The following EYA4 variants were observed in gnomAD, a reference collection of about 807,000 sequenced individuals.
EYA4 encodes protein phosphatase EYA4.
A neutral mutation model predicts 87.9 loss-of-function variants in EYA4; 31 were observed. The ratio of observed to expected loss-of-function variants is 0.35; its 90% CI spans 0.27 to 0.48. The LOEUF is 0.48. Among genes scored for constraint, EYA4 ranks in the 20% least tolerant of loss-of-function variants. EYA4 has a pLI of 0.99. For synonymous variants in EYA4, 263 were observed against 270.6 expected (o/e 0.97, Z 0.28); for missense variants, 678 against 761.4 (o/e 0.89, Z 1.29).
chr6:133,372,632 T>G (rs1785357824), intron 2 of EYA4, among the ~76,000 whole-genome samples: 1 of 151,824 alleles, frequency 6.6e-6, no homozygotes, highest in Non-Finnish European at 1.5e-5. Flanking sequence ...GCCAACATTC[T>G]TGAATTTTCT....
intron 2 of EYA4, among the ~76,000 whole-genome samples, chr6:133,317,127 G>C (rs1175149296): frequency 6.6e-6 from 1 of 152,212 alleles, no homozygotes; most frequent in Non-Finnish European, 1.5e-5. Context: ...GCTCAAAACT[G>C]TACAGCTCCA....
chr6:133,483,029 C>T lies in EYA4; in HGVS notation c.1108-3C>T. ...TTTTCTGATATTTATTTTTTGTCTTCAGCGTGTGTTTGTCTGGGATTTGGA... is the reference window on the plus strand; with the variant it reads ...TTTTCTGATATTTATTTTTTGTCTTTAGCGTGTGTTTGTCTGGGATTTGGA... On this transcript the variant is annotated splice_polypyrimidine_tract_variant and splice_region_variant and intron_variant, in intron 12 of 19. Transcript: ENST00000355286. 1 of 1,611,360 alleles carries T rather than the reference C, an allele frequency of 6.2e-7. No homozygotes were observed. The highest frequency in any genetic ancestry group is 1.1e-5 in the South Asian group (1 of 90,958).
At chr6:133,263,348 G>T (rs113415426) in intron 1 of EYA4, among the ~76,000 whole-genome samples, 1 of 152,228 alleles carries the variant, frequency 6.6e-6, no homozygotes, top group East Asian at 1.9e-4. Context: ...GGAGTCACAA[G>T]ATCTGGGTGC....
intron 14 of EYA4, among the ~76,000 whole-genome samples, chr6:133,509,210 T>C (rs1798916834): frequency 6.6e-6 from 1 of 152,128 alleles, no homozygotes; most frequent in Non-Finnish European, 1.5e-5. Context: ...TGAAAGGCAG[T>C]TTTACTTTCA....
chr6:133,367,070 AGCTTTGGAGATGAAGGGT>A, intron 2 of EYA4, among the ~76,000 whole-genome samples: 1 of 152,362 alleles, frequency 6.6e-6, no homozygotes, highest in South Asian at 2.1e-4. Context: ...GGTATTTCAC[AGCTTTGGAGATGAAGGGT>A]GCTTGATAGA....
At chr6:133,387,646 A>G (rs984240399) in intron 3 of EYA4, among the ~76,000 whole-genome samples, 17 of 152,200 alleles carry the variant, frequency 1.1e-4, no homozygotes, top group Non-Finnish European at 2.9e-5. Context: ...TTTAATTATT[A>G]AAAAACACCT....
At chr6:133,358,006 A>G (rs894867266) in intron 2 of EYA4, among the ~76,000 whole-genome samples, 4 of 152,140 alleles carry the variant, frequency 2.6e-5, no homozygotes, top group Non-Finnish European at 5.9e-5. Context: ...AAGTCTTGCT[A>G]CGGTATAATA....
rs1197587794 is a variant in EYA4, at chr6:133,529,664, T to A, written c.*859T>A. 1.0e-6 allele frequency: 1 copy of A among 983,838 alleles called. No individual in the cohort carries two copies. The highest frequency in any genetic ancestry group is 1.1e-4 in the East Asian group (1 of 8,810). 60.9% of individuals were successfully genotyped at this position (983,838 alleles called of 1,614,324 possible). A position where few individuals can be genotyped will look rare whatever the true frequency, so the allele number is the denominator to read the frequency against. The stretch of plus-strand genomic sequence containing the variant: ...AAAACAACAATAATAAAGGAAAGCT[T>A]GTGTTTCATTTGGGTTCTTAATAAT... On this transcript the variant is annotated 3_prime_UTR_variant, in exon 20 of 20. Coordinates refer to ENST00000355286, the MANE Select transcript of EYA4 (RefSeq NM_004100.5).
At chr6:133,447,179 C>CT (rs895201202) in intron 4 of EYA4, among the ~76,000 whole-genome samples, 1 of 151,768 alleles carries the variant, frequency 6.6e-6, no homozygotes, top group Admixed American at 6.6e-5. Flanking sequence ...CTTAAAAGTG[C>CT]TTTTTTAAAA....
chr6:133,473,473 T>C (rs1359092217), intron 11 of EYA4, among the ~76,000 whole-genome samples: 1 of 151,970 alleles, frequency 6.6e-6, no homozygotes, highest in Non-Finnish European at 1.5e-5. Context: ...AAAGTAAAAA[T>C]GAAACTGATA....
intron 19 of EYA4, chr6:133,525,872 A>C: frequency 1.0e-6 from 1 of 984,498 alleles, no homozygotes; most frequent in East Asian, 1.1e-4. Context: ...TATTGCTCAG[A>C]TCCTTTTGCA....
intron 13 of EYA4, among the ~76,000 whole-genome samples, chr6:133,498,825 G>A (rs1797858447): frequency 1.3e-5 from 2 of 152,162 alleles, no homozygotes; most frequent in South Asian, 2.1e-4. Context: ...GGGAATCATT[G>A]CTACCTATTG....
chr6:133,325,625 G>T (rs931316273), intron 2 of EYA4, among the ~76,000 whole-genome samples: 1 of 152,084 alleles, frequency 6.6e-6, no homozygotes, highest in Non-Finnish European at 1.5e-5. Flanking sequence ...CAAACCTTAT[G>T]GTTCTAAATT....
At chr6:133,385,413 G>T (rs867033579) in intron 3 of EYA4, among the ~76,000 whole-genome samples, 1 of 144,334 alleles carries the variant, frequency 6.9e-6, no homozygotes, top group African/African-American at 2.7e-5. Flanking sequence ...GTGTGTGTGT[G>T]TGTGTGTGTG....
chr6:133,338,350 G>T (rs1782532828), intron 2 of EYA4, among the ~76,000 whole-genome samples: 1 of 151,942 alleles, frequency 6.6e-6, no homozygotes, highest in South Asian at 2.1e-4. Context: ...AAATCTGTTT[G>T]TGCCTTACAT....
intron 14 of EYA4, among the ~76,000 whole-genome samples, chr6:133,512,070 C>T (rs1266564810): frequency 2.0e-5 from 3 of 151,694 alleles, no homozygotes; most frequent in Non-Finnish European, 2.9e-5. Context: ...GATGATAAAT[C>T]GTCATTATTT....
intron 3 of EYA4, among the ~76,000 whole-genome samples, chr6:133,441,786 GCAGGTAATCAGAATGAGTCAGGGTGGAA>G (rs1037703036): frequency 6.6e-5 from 10 of 152,140 alleles, no homozygotes; most frequent in African/African-American, 2.4e-4. Context: ...TCAGGGTGGA[GCAGGTAATCAGAATGAGTCAGGGTGGAA>G]CAGGTAATTG....
chr6:133,422,416 C>A (rs958989890), intron 3 of EYA4, among the ~76,000 whole-genome samples: 2 of 152,094 alleles, frequency 1.3e-5, no homozygotes, highest in Non-Finnish European at 2.9e-5. Flanking sequence ...AGATTATATT[C>A]TTTATATTTA....
intron 17 of EYA4, among the ~76,000 whole-genome samples, chr6:133,520,930 G>T (rs1800064719): frequency 6.7e-6 from 1 of 149,862 alleles, no homozygotes; most frequent in East Asian, 2.0e-4. Context: ...GCTGAAACTG[G>T]ATCCCTTCCT....
Sources: gnomAD v4.1 joint callset for allele counts (sites outside exome capture counted in the v4.1 genomes callset) on GRCh38, gnomAD v4.1.1 for gene constraint, MANE v1.5 for transcripts, NCBI Gene and HGNC (gene_info 2026-07-23, HGNC 2026-07-21) for gene names.